CNNM2: variants seen among roughly 807,000 people sequenced by gnomAD.
CNNM2 encodes the protein metal transporter CNNM2.
Under a neutral mutation model 66.9 loss-of-function variants are expected in CNNM2, and 12 were observed. That is an observed-to-expected ratio of 0.18 (90% CI 0.11 to 0.29). The LOEUF (loss-of-function observed/expected upper bound fraction) is 0.29, where lower values mean the gene tolerates loss of function less well. Ranked by LOEUF, CNNM2 falls within the 10% of genes least tolerant of loss-of-function variation. The pLI is 1.00. For synonymous variants in CNNM2, 557 were observed against 501.8 expected, an observed-to-expected ratio of 1.11 and a Z score of -1.47; for missense variants, 705 against 1,167.7, an observed-to-expected ratio of 0.60 and a Z score of 5.77.
Position 103,003,665 on chromosome 10 carries a change from A to G in CNNM2, c.1622-46042A>G, listed in dbSNP as rs147831813. ...ATGGTGAAACCCTGTCTCTACTAAAAATACAAAAATTAGCCGGAAATCACT... is the reference window on the plus strand; with the variant it reads ...ATGGTGAAACCCTGTCTCTACTAAAGATACAAAAATTAGCCGGAAATCACT... On this transcript the variant is annotated intron_variant, in intron 1 of 7. Transcript: ENST00000369878. 6.6e-4 allele frequency among the ~76,000 whole-genome samples: 100 copies of G among 152,020 alleles called. 2 individuals carry two copies. In the East Asian group the frequency reaches 0.019, roughly 29 times the overall value.
intron 1 of CNNM2, among the ~76,000 whole-genome samples, chr10:102,961,015 T>C (rs904795150): frequency 1.3e-5 from 2 of 152,014 alleles, no homozygotes; most frequent in East Asian, 1.9e-4. Flanking sequence ...GTAGCTGGGA[T>C]TACAGGCACG....
intron 1 of CNNM2, among the ~76,000 whole-genome samples, chr10:103,029,915 G>A (rs540038654): frequency 1.3e-5 from 2 of 151,992 alleles, no homozygotes; most frequent in African/African-American, 4.8e-5. Context: ...TATTAATACA[G>A]GGTAATAAGT....
rs1051837279 is a variant in CNNM2 at position 103,081,585 on chromosome 10, C to T, written c.*4405C>T. 2.6e-5 allele frequency: 4 copies of T among 152,114 alleles called. No homozygotes were observed. Among genetic ancestry groups the T allele is most frequent in the Non-Finnish European group, 4.4e-5 (3 of 68,020 alleles). The allele number at this position is 152,114 out of a possible 1,614,324, so 9.4% of individuals were successfully genotyped here. On this transcript the variant is annotated 3_prime_UTR_variant, in exon 8 of 8. Coordinates refer to ENST00000369878, the MANE Select transcript of CNNM2 (RefSeq NM_017649.5). ...TTCAAGTTGGTTAATAGGAGAGAGA[C>T]GTTCAGAGACTTCTAAGTTGAGGTT...
chr10:103,020,665 G>A (rs2060008050), intron 1 of CNNM2, among the ~76,000 whole-genome samples: 1 of 152,192 alleles, frequency 6.6e-6, no homozygotes, highest in Non-Finnish European at 1.5e-5. Context: ...TAGGTAGTGA[G>A]TTGGATTTAA....
Position 103,028,418 on chromosome 10 carries a change from T to C in CNNM2, c.1622-21289T>C, listed in dbSNP as rs79360029. Among the ~76,000 whole-genome samples, 14 of 152,376 alleles carry C rather than the reference T, an allele frequency of 9.2e-5. No individual in the cohort carries two copies. In the East Asian group the frequency reaches 2.7e-3, roughly 29 times the overall value. On this transcript the variant is annotated intron_variant, in intron 1 of 7. Coordinates refer to ENST00000369878, the MANE Select transcript of CNNM2 (RefSeq NM_017649.5). Reference sequence around the variant, plus strand: ...GTTTATAAGAAGATAATGAAAATTCTTGAAGACATTCTCAAGCACAACAGA... The same window carrying C: ...GTTTATAAGAAGATAATGAAAATTCCTGAAGACATTCTCAAGCACAACAGA...
rs188700884 is a variant in CNNM2 at position 102,998,804 on chromosome 10, C to T, written c.1622-50903C>T. ...GACCACTCTGGCCAACATGGTGAAA[C>T]CCTGTCTCTACTAAAAGACAAACAA... On this transcript the variant is annotated intron_variant, in intron 1 of 7. Transcript: ENST00000369878. Among the ~76,000 whole-genome samples the T allele has an allele frequency of 3.1e-4, 47 of 152,088 alleles. 1 individual carries two copies. The highest frequency in any genetic ancestry group is 1.1e-3 in the African/African-American group (44 of 41,394).
chr10:103,011,962 A>G (rs911559561), intron 1 of CNNM2, among the ~76,000 whole-genome samples: 6 of 152,128 alleles, frequency 3.9e-5, no homozygotes, highest in African/African-American at 1.4e-4. Context: ...AAGTGCTGAG[A>G]TTACAAGTGT....
chr10:102,926,072 G>A (rs1159093353), intron 1 of CNNM2, among the ~76,000 whole-genome samples: 1 of 152,138 alleles, frequency 6.6e-6, no homozygotes, highest in Non-Finnish European at 1.5e-5. Flanking sequence ...AAGCTTCCTT[G>A]ACTTTTCATT....
At chr10:102,982,287 G>C (rs2059535760) in intron 1 of CNNM2, among the ~76,000 whole-genome samples, 1 of 152,092 alleles carries the variant, frequency 6.6e-6, no homozygotes, top group South Asian at 2.1e-4. Context: ...ATATTGGTCT[G>C]TCTCTCTAGA....
chr10:102,957,448 G>T (rs1192753318), intron 1 of CNNM2, among the ~76,000 whole-genome samples: 1 of 152,182 alleles, frequency 6.6e-6, no homozygotes, highest in East Asian at 1.9e-4. Context: ...ACGTAAATTG[G>T]TTTAGAAGGG....
Position 103,089,983 on chromosome 10 carries a change from C to T in CNNM2, c.*12803C>T, listed in dbSNP as rs2066281841. 8.2e-7 allele frequency: 1 copy of T among 1,223,448 alleles called. No homozygotes were observed. The highest frequency in any genetic ancestry group is 1.5e-5 in the African/African-American group (1 of 66,124). 75.8% of individuals were successfully genotyped at this position (1,223,448 alleles called of 1,614,324 possible). A position where few individuals can be genotyped will look rare whatever the true frequency, so the allele number is the denominator to read the frequency against. On this transcript the variant is annotated 3_prime_UTR_variant, in exon 8 of 8. Coordinates refer to ENST00000369878, the MANE Select transcript of CNNM2 (RefSeq NM_017649.5). ...TACTCCCCAAATCCTAACCCCTCTC[C>T]TCTGTTAGGTGGCCATGCAATTACA...
At chr10:102,995,256 G>T (rs1441877846) in intron 1 of CNNM2, among the ~76,000 whole-genome samples, 1 of 81,474 alleles carries the variant, frequency 1.2e-5, no homozygotes, top group African/African-American at 4.8e-5. Flanking sequence ...TCTGTCACCT[G>T]GGCTGGAGTG....
chr10:102,975,289 CATAAT>C (rs1038626195), intron 1 of CNNM2, among the ~76,000 whole-genome samples: 25 of 152,088 alleles, frequency 1.6e-4, no homozygotes, highest in Admixed American at 4.6e-4. Flanking sequence ...AATTGGCACT[CATAAT>C]ATACTATCAT....
chr10:103,042,940 A>G (rs1811310135), intron 1 of CNNM2, among the ~76,000 whole-genome samples: 1 of 151,834 alleles, frequency 6.6e-6, no homozygotes, highest in East Asian at 1.9e-4. Flanking sequence ...CCTTTTTGCA[A>G]TTTTATTGAT....
chr10:102,952,302 C>T (rs1336622269), intron 1 of CNNM2, among the ~76,000 whole-genome samples: 3 of 151,948 alleles, frequency 2.0e-5, no homozygotes, highest in Non-Finnish European at 2.9e-5. Flanking sequence ...CAGTGGCTCA[C>T]GCCTGTAATC....
At chr10:103,025,663 T>C (rs1181505728) in intron 1 of CNNM2, among the ~76,000 whole-genome samples, 4 of 152,258 alleles carry the variant, frequency 2.6e-5, no homozygotes, top group Non-Finnish European at 1.5e-5. Context: ...ATCCGTAGTA[T>C]ATCTTCTCTA....
rs2065800208 is a variant in CNNM2, at chr10:103,085,790, A to G, written c.*8610A>G. 6.6e-6 allele frequency: 1 copy of G among 152,180 alleles called. No homozygotes were observed. The highest frequency in any genetic ancestry group is 6.5e-5 in the Admixed American group (1 of 15,282). 9.4% of individuals were successfully genotyped at this position (152,180 alleles called of 1,614,324 possible). On this transcript the variant is annotated 3_prime_UTR_variant, in exon 8 of 8. Transcript: ENST00000369878. Reference sequence around the variant, plus strand: ...AAGCTCTACAGAGAAACTTCTGTATATATTTTATTTTTGAGATCACATACC... The same window carrying G: ...AAGCTCTACAGAGAAACTTCTGTATGTATTTTATTTTTGAGATCACATACC...
chr10:103,077,239 G>C lies in CNNM2; in HGVS notation c.*59G>C. 6.7e-7 allele frequency: 1 copy of C among 1,484,662 alleles called. No homozygotes were observed. Among genetic ancestry groups the C allele is most frequent in the Non-Finnish European group, 9.3e-7 (1 of 1,076,552 alleles). 92.0% of individuals were successfully genotyped at this position (1,484,662 alleles called of 1,614,324 possible). A position where few individuals can be genotyped will look rare whatever the true frequency, so the allele number is the denominator to read the frequency against. On this transcript the variant is annotated 3_prime_UTR_variant, in exon 8 of 8. Transcript: ENST00000369878. ...CGCCCAGTCCCGAGGGCCCGGCCCTGTCTGCCCATGACTTCACTGGTGTGA... is the reference window on the plus strand; with the variant it reads ...CGCCCAGTCCCGAGGGCCCGGCCCTCTCTGCCCATGACTTCACTGGTGTGA...
chr10:103,089,429 C>T lies in CNNM2; in HGVS notation c.*12249C>T. On this transcript the variant is annotated 3_prime_UTR_variant, in exon 8 of 8. Transcript: ENST00000369878. ...TGGAGCCATATACATGCAGTTCAGC[C>T]TGATTTTACCCTTATTTTCTTCTAA... is the stretch of plus-strand genomic sequence containing the variant. The T allele has an allele frequency of 4.2e-6, 2 of 476,924 alleles. No individual in the cohort carries two copies. The highest frequency in any genetic ancestry group is 1.2e-4 in the South Asian group (2 of 16,968). 29.5% of individuals were successfully genotyped at this position (476,924 alleles called of 1,614,324 possible).
Sources: allele counts gnomAD v4.1 joint callset (sites outside exome capture counted in the v4.1 genomes callset), GRCh38; gene constraint gnomAD v4.1.1; transcripts MANE v1.5; gene names NCBI Gene and HGNC (gene_info 2026-07-23, HGNC 2026-07-21).